Variants in DIAPH2 observed in about 807,000 individuals in gnomAD.
The protein encoded by DIAPH2 is protein diaphanous homolog 2.
Under a neutral mutation model 92.7 loss-of-function variants are expected in DIAPH2, and 35 were observed. The observed-to-expected ratio is 0.38, with a 90% CI of 0.29 to 0.50. The LOEUF (loss-of-function observed/expected upper bound fraction) is 0.50. DIAPH2 is among the 20% of genes least tolerant of loss of function. The pLI, the probability that DIAPH2 is intolerant of heterozygous loss-of-function variation, is 0.94. For missense variants in DIAPH2, 701 were observed against 819.5 expected (o/e 0.86, Z 1.77); for synonymous variants, 301 against 280.4 (o/e 1.07, Z -0.73).
At position 96,885,211 on chromosome X, in the gene DIAPH2, T is replaced by G. The variant is rs936275504; in HGVS notation, c.587+3493T>G. On this transcript the variant is annotated intron_variant, in intron 5 of 26. Transcript: ENST00000324765. ...AAAAAAAAAATCTCAAGTGGCATTC[T>G]TTGTCAACTCGCTGCTTTTCTAACT... 1.5e-4 allele frequency: 92 copies of G among 601,499 alleles called. No individual in the cohort carries two copies. The African/African-American group carries it at 1.9e-3, about 13-fold the overall frequency. 49.6% of individuals were successfully genotyped at this position (601,499 alleles called of 1,213,427 possible). A position where few individuals can be genotyped will look rare whatever the true frequency, so the allele number is the denominator to read the frequency against.
chrX:97,507,141 C>CAAAAAAAAAAAAAAAAA (rs397896097), intron 26 of DIAPH2, among the ~76,000 whole-genome samples: 37 of 31,122 alleles, frequency 1.2e-3, no homozygotes, highest in Non-Finnish European at 1.7e-3. Flanking sequence ...ACAAAACCGA[C>CAAAAAAAAAAAAAAAAA]AAAAAAAAAA....
Position 97,436,230 on chromosome X carries a change from A to G in DIAPH2, c.3241+6485A>G, listed in dbSNP as rs1273827555. The stretch of plus-strand genomic sequence containing the variant: ...GACTTTTTTATTCTTTGCCCACTGT[A>G]AGTAAATATAAATGGGCTTCTCAGC... On this transcript the variant is annotated intron_variant, in intron 26 of 26. Transcript: ENST00000324765. 4.5e-5 allele frequency among the ~76,000 whole-genome samples: 5 copies of G among 111,976 alleles called. No homozygotes were observed. The Admixed American group carries it at 4.8e-4, about 11-fold the overall frequency.
chrX:96,939,445 C>A lies in DIAPH2; in HGVS notation c.1325+63C>A, dbSNP rs1448140331. 3 of 423,622 alleles carry A rather than the reference C, an allele frequency of 7.1e-6. No homozygotes were observed. The African/African-American group carries it at 8.6e-5, about 12-fold the overall frequency. 34.9% of individuals were successfully genotyped at this position (423,622 alleles called of 1,213,427 possible). On this transcript the variant is annotated intron_variant, in intron 12 of 26. Coordinates refer to ENST00000324765, the MANE Select transcript of DIAPH2 (RefSeq NM_006729.5). ...GAATCGGATATTAAAGGAAAATGAACAATGTAGTGGGGCCTAAGCAATATA... is the reference window on the plus strand; with the variant it reads ...GAATCGGATATTAAAGGAAAATGAAAAATGTAGTGGGGCCTAAGCAATATA...
intron 22 of DIAPH2, among the ~76,000 whole-genome samples, chrX:97,240,735 G>A (rs2068087382): frequency 9.0e-6 from 1 of 111,352 alleles, no homozygotes; most frequent in Admixed American, 9.6e-5. Flanking sequence ...CATGTATACA[G>A]TGGGAATGTG....
At chrX:97,122,798 G>T (rs1030963698) in intron 21 of DIAPH2, among the ~76,000 whole-genome samples, 1 of 111,119 alleles carries the variant, frequency 9.0e-6, no homozygotes, top group Non-Finnish European at 1.9e-5. Context: ...CTCCTTGGGG[G>T]TCCTTTAAAC....
chrX:97,358,104 G>A (rs2147702003), intron 24 of DIAPH2, among the ~76,000 whole-genome samples: 1 of 111,961 alleles, frequency 8.9e-6, no homozygotes, highest in South Asian at 3.8e-4. Flanking sequence ...ATGATCTAAA[G>A]GTTATCTGCC....
intron 17 of DIAPH2, among the ~76,000 whole-genome samples, chrX:96,986,609 ATATGCCCTGCTT>A (rs2066033511): frequency 9.0e-6 from 1 of 111,389 alleles, no homozygotes; most frequent in Non-Finnish European, 1.9e-5. Context: ...GGAAATGAAA[ATATGCCCTGCTT>A]TATTATTCAT....
intron 23 of DIAPH2, among the ~76,000 whole-genome samples, chrX:97,329,891 G>C (rs921855847): frequency 1.3e-5 from 1 of 79,484 alleles, no homozygotes; most frequent in African/African-American, 4.9e-5. Context: ...TGCATTCTTA[G>C]ACACACACAC....
chrX:96,962,430 C>A (rs376535556), intron 16 of DIAPH2, among the ~76,000 whole-genome samples: 1 of 43,725 alleles, frequency 2.3e-5, no homozygotes, highest in African/African-American at 8.7e-5. Context: ...CATATATATA[C>A]ATATATATAT....
At chrX:97,044,741 C>A (rs906441399) in intron 17 of DIAPH2, among the ~76,000 whole-genome samples, 2 of 111,027 alleles carry the variant, frequency 1.8e-5, no homozygotes, top group Admixed American at 1.9e-4. Context: ...GAACCACTCT[C>A]GACCTCATAG....
chrX:96,874,021 A>T (rs2065162007), intron 4 of DIAPH2, among the ~76,000 whole-genome samples: 1 of 111,984 alleles, frequency 8.9e-6, no homozygotes, highest in Non-Finnish European at 1.9e-5. Flanking sequence ...GATAAGCATA[A>T]ATGATAGTTA....
chrX:97,300,083 G>A (rs1307947757), intron 23 of DIAPH2, among the ~76,000 whole-genome samples: 1 of 112,243 alleles, frequency 8.9e-6, no homozygotes, highest in African/African-American at 3.2e-5. Context: ...GTTGTGCGTT[G>A]TAAGACTGAC....
At chrX:97,218,472 G>T (rs905537509) in intron 22 of DIAPH2, among the ~76,000 whole-genome samples, 2 of 111,654 alleles carry the variant, frequency 1.8e-5, no homozygotes, top group Non-Finnish European at 3.8e-5. Context: ...GAACACATAT[G>T]TAACAAGTTA....
intron 21 of DIAPH2, among the ~76,000 whole-genome samples, chrX:97,135,005 C>T (rs777994027): frequency 9.0e-6 from 1 of 111,421 alleles, no homozygotes; most frequent in South Asian, 3.8e-4. Context: ...TTATTTTTGG[C>T]CTGTCTAAAG....
At chrX:97,198,299 C>T (rs866905456) in intron 22 of DIAPH2, among the ~76,000 whole-genome samples, 4 of 92,204 alleles carry the variant, frequency 4.3e-5, no homozygotes, top group African/African-American at 1.4e-4. Flanking sequence ...CACACACACA[C>T]ACACATATGT....
chrX:97,183,608 A>C (rs1323088010), intron 22 of DIAPH2, among the ~76,000 whole-genome samples: 1 of 112,195 alleles, frequency 8.9e-6, no homozygotes, highest in Admixed American at 9.5e-5. Flanking sequence ...TATCACATGC[A>C]AGAAGCATTA....
intron 22 of DIAPH2, among the ~76,000 whole-genome samples, chrX:97,166,931 T>A (rs2067416317): frequency 8.9e-6 from 1 of 112,454 alleles, no homozygotes; most frequent in African/African-American, 3.2e-5. Flanking sequence ...GTTTTGAATC[T>A]TTACATAAAC....
chrX:97,258,857 C>G (rs1569343357), intron 23 of DIAPH2, among the ~76,000 whole-genome samples: 2 of 70,382 alleles, frequency 2.8e-5, no homozygotes, highest in African/African-American at 6.0e-5. Flanking sequence ...GGCGACAGAG[C>G]GAGACTCCGT....
chrX:96,901,282 G>C (rs769229628), intron 5 of DIAPH2, among the ~76,000 whole-genome samples: 2 of 109,599 alleles, frequency 1.8e-5, no homozygotes, highest in African/African-American at 6.6e-5. Context: ...ATGATCTTTT[G>C]TATTTCTGTG....
Sources: gnomAD v4.1 joint callset for allele counts (sites outside exome capture counted in the v4.1 genomes callset) on GRCh38, gnomAD v4.1.1 for gene constraint, MANE v1.5 for transcripts, NCBI Gene and HGNC (gene_info 2026-07-23, HGNC 2026-07-21) for gene names.